Variants in PDE11A observed in about 807,000 individuals in gnomAD.
The protein encoded by PDE11A is phosphodiesterase 11A.
PDE11A carries 100 observed loss-of-function variants against 100.5 expected under a neutral mutation model. That is an observed-to-expected ratio of 1.00 (90% CI 0.85 to 1.18). The LOEUF is 1.18. Among genes scored for constraint, PDE11A ranks in the 50% most tolerant of loss-of-function variants. The probability of loss-of-function intolerance (pLI) is 0.00; values close to 1 mark genes in which losing one functional copy is unlikely to be tolerated. For synonymous variants in PDE11A, 381 were observed against 420.8 expected (o/e 0.91, Z 1.16); for missense variants, 1,141 against 1,152.6 (o/e 0.99, Z 0.15).
At chr2:177,750,252 G>A (rs2082007936) in intron 10 of PDE11A, among the ~76,000 whole-genome samples, 1 of 152,026 alleles carries the variant, frequency 6.6e-6, no homozygotes. Flanking sequence ...CCTTCTTTGG[G>A]GGCAATTTAT....
intron 3 of PDE11A, among the ~76,000 whole-genome samples, chr2:177,901,247 A>T (rs1574264277): frequency 6.6e-6 from 1 of 150,590 alleles, no homozygotes; most frequent in South Asian, 2.1e-4. Flanking sequence ...TGATCTTGTG[A>T]CCCCCCCCAT....
intron 5 of PDE11A, among the ~76,000 whole-genome samples, chr2:177,849,979 A>G (rs1333956918): frequency 2.0e-5 from 3 of 152,202 alleles, no homozygotes; most frequent in Non-Finnish European, 4.4e-5. Context: ...TTATAGATTC[A>G]ATGCCATCCC....
chr2:177,906,156 GTCTC>G (rs1286290211), intron 2 of PDE11A, among the ~76,000 whole-genome samples: 154 of 148,850 alleles, frequency 1.0e-3, no homozygotes, highest in Middle Eastern at 7.2e-3. Context: ...ATGTCTCTCT[GTCTC>G]TCTCTCACAC....
At chr2:178,045,015 C>T (rs997862382) in intron 1 of PDE11A, among the ~76,000 whole-genome samples, 8 of 152,170 alleles carry the variant, frequency 5.3e-5, no homozygotes, top group Admixed American at 2.0e-4. Flanking sequence ...AATAGATCAC[C>T]GGTATGGCTG....
At chr2:177,691,758 C>T (rs1161208981) in intron 15 of PDE11A, among the ~76,000 whole-genome samples, 1 of 152,068 alleles carries the variant, frequency 6.6e-6, no homozygotes, top group Non-Finnish European at 1.5e-5. Flanking sequence ...GGACTTCAGT[C>T]ACGCTCCCCA....
intron 1 of PDE11A, among the ~76,000 whole-genome samples, chr2:178,037,534 G>C (rs2086629425): frequency 6.6e-6 from 1 of 152,088 alleles, no homozygotes. Flanking sequence ...TATACCCAAA[G>C]GATTATAAAT....
At chr2:178,000,470 A>C (rs1489101428) in intron 2 of PDE11A, among the ~76,000 whole-genome samples, 1 of 152,242 alleles carries the variant, frequency 6.6e-6, no homozygotes, top group Non-Finnish European at 1.5e-5. Flanking sequence ...TGCTATTTGC[A>C]AATTCTGATT....
intron 9 of PDE11A, among the ~76,000 whole-genome samples, chr2:177,799,678 A>G (rs1189372991): frequency 6.6e-6 from 1 of 152,100 alleles, no homozygotes; most frequent in Non-Finnish European, 1.5e-5. Flanking sequence ...TCCACCCCCA[A>G]AATGAAGCAG....
intron 2 of PDE11A, among the ~76,000 whole-genome samples, chr2:178,093,813 C>T (rs1435571): frequency 0.2 from 30,890 of 152,026 alleles, 3,174 homozygotes; most frequent in East Asian, 0.27. Flanking sequence ...ACCAGGGGAG[C>T]CAGGATGAAT....
chr2:178,004,121 A>G (rs1353943417), intron 2 of PDE11A, among the ~76,000 whole-genome samples: 1 of 152,180 alleles, frequency 6.6e-6, no homozygotes, highest in African/African-American at 2.4e-5. Flanking sequence ...AGGTAAAAAT[A>G]AATAAATATA....
intron 5 of PDE11A, among the ~76,000 whole-genome samples, chr2:177,852,901 T>G (rs1558973279): frequency 6.6e-6 from 1 of 152,194 alleles, no homozygotes; most frequent in African/African-American, 2.4e-5. Context: ...TCCTCTCATT[T>G]TAAGCATTCT....
chr2:177,828,213 T>G (rs1219959385), intron 6 of PDE11A, among the ~76,000 whole-genome samples: 1 of 152,176 alleles, frequency 6.6e-6, no homozygotes, highest in Non-Finnish European at 1.5e-5. Flanking sequence ...ATAGCAATTA[T>G]TAACAAGTTG....
intron 10 of PDE11A, among the ~76,000 whole-genome samples, chr2:177,756,329 G>A (rs2082090254): frequency 6.6e-6 from 1 of 152,080 alleles, no homozygotes; most frequent in South Asian, 2.1e-4. Flanking sequence ...AGATATTTCA[G>A]GCAGAAGCAT....
At chr2:177,935,973 A>G (rs1574290909) in intron 2 of PDE11A, among the ~76,000 whole-genome samples, 1 of 152,152 alleles carries the variant, frequency 6.6e-6, no homozygotes, top group East Asian at 1.9e-4. Flanking sequence ...TCCTCAACAC[A>G]CGTTGTCTCT....
intron 19 of PDE11A, among the ~76,000 whole-genome samples, chr2:177,638,550 T>C (rs2105443643): frequency 6.6e-6 from 1 of 152,392 alleles, no homozygotes; most frequent in African/African-American, 2.4e-5. Flanking sequence ...GCTTGATAAT[T>C]CTTGATGAAT....
chr2:177,868,795 G>A (rs2084074340), intron 5 of PDE11A, among the ~76,000 whole-genome samples: 1 of 152,182 alleles, frequency 6.6e-6, no homozygotes, highest in Non-Finnish European at 1.5e-5. Flanking sequence ...AGATACCATT[G>A]GAGGGTTTTT....
intron 15 of PDE11A, chr2:177,686,958 C>T (rs1282132912): frequency 6.6e-6 from 1 of 151,966 alleles, no homozygotes; most frequent in Non-Finnish European, 1.5e-5. Flanking sequence ...CTCAGGTAAT[C>T]CACTCACCTC....
At chr2:177,735,617 A>C (rs1172380404) in intron 10 of PDE11A, among the ~76,000 whole-genome samples, 1 of 152,222 alleles carries the variant, frequency 6.6e-6, no homozygotes, top group Admixed American at 6.5e-5. Flanking sequence ...ACCAGGAGGC[A>C]CAGACAGGGC....
intron 2 of PDE11A, among the ~76,000 whole-genome samples, chr2:177,989,333 T>C (rs2217839): frequency 0.43 from 64,672 of 152,150 alleles, 16,940 homozygotes; most frequent in Admixed American, 0.56. Flanking sequence ...CATAGCACAG[T>C]ATGAACAAAG....
Sources: allele counts gnomAD v4.1 joint callset (sites outside exome capture counted in the v4.1 genomes callset), GRCh38; gene constraint gnomAD v4.1.1; transcripts MANE v1.5; gene names NCBI Gene and HGNC (gene_info 2026-07-23, HGNC 2026-07-21).